The following ECM2 variants were observed in gnomAD, a reference collection of about 807,000 sequenced individuals.
The protein encoded by ECM2 is extracellular matrix protein 2, female organ and adipocyte specific.
Under a neutral mutation model 67.5 loss-of-function variants are expected in ECM2, and 57 were observed. The observed-to-expected ratio is 0.84, with a 90% confidence interval of 0.68 to 1.05. The LOEUF is 1.05. Among genes scored for constraint, ECM2 ranks in the 50% least tolerant of loss-of-function variants. ECM2 has a pLI of 0.00. For missense variants in ECM2, 741 were observed against 822.8 expected (o/e 0.90, Z 1.22); for synonymous variants, 258 against 294.5 (o/e 0.88, Z 1.27).
At chr9:92,537,620 A>G (rs1341630441), upstream of ECM2, among the ~76,000 whole-genome samples, 2 of 152,194 alleles carry the variant, frequency 1.3e-5, no homozygotes, top group South Asian at 2.1e-4. Flanking sequence ...AGATTGTGCC[A>G]TTGCACTCCA....
intron 6 of ECM2, among the ~76,000 whole-genome samples, chr9:92,506,222 C>G (rs1003470649): frequency 6.6e-6 from 1 of 152,214 alleles, no homozygotes; most frequent in Admixed American, 6.5e-5. Flanking sequence ...CACCCTCAGT[C>G]TCTGAACAAG....
rs1471550189 is a variant in ECM2 at position 92,517,736 on chromosome 9, G to C, written c.432C>G (p.Pro144=). Residue 144 remains proline (P), a synonymous_variant, in exon 3 of 10, where the codon CCC becomes CCG. Transcript: ENST00000344604. ...ATTCCCCTTCAGGTATAACTGTTTG[G>C]GGGCACCTCTGGGGATGGCACATGG... ...DETMCHPQRC[P]QTVIPEGECC... The C allele has an allele frequency of 6.2e-7, 1 of 1,614,022 alleles. No individual in the cohort carries two copies. The highest frequency in any genetic ancestry group is 2.2e-5 in the East Asian group (1 of 44,888).
rs1353496844 is a variant in ECM2, at chr9:92,496,117, C to G, written c.*198G>C. 1.7e-6 allele frequency: 2 copies of G among 1,209,716 alleles called. No homozygotes were observed. Among genetic ancestry groups the G allele is most frequent in the Non-Finnish European group, 2.1e-6 (2 of 974,698 alleles). 74.9% of individuals were successfully genotyped at this position (1,209,716 alleles called of 1,614,324 possible). A position where few individuals can be genotyped will look rare whatever the true frequency, so the allele number is the denominator to read the frequency against. On this transcript the variant is annotated 3_prime_UTR_variant, in exon 10 of 10. Coordinates refer to ENST00000344604, the MANE Select transcript of ECM2 (RefSeq NM_001393.4). Reference sequence around the variant, plus strand: ...GAGGTAGGAAACTGAGAGATTTTACCTTTACTATTAATAAAACTCCTAGAG... The same window carrying G: ...GAGGTAGGAAACTGAGAGATTTTACGTTTACTATTAATAAAACTCCTAGAG...
intron 1 of ECM2, among the ~76,000 whole-genome samples, chr9:92,531,154 ACTTT>A (rs1462991054): frequency 1.3e-5 from 2 of 152,082 alleles, no homozygotes; most frequent in Non-Finnish European, 2.9e-5. Context: ...ATTGAAATAT[ACTTT>A]CTATTTGCTT....
downstream of ECM2, chr9:92,493,953 G>T: frequency 4.2e-6 from 3 of 718,266 alleles, no homozygotes; most frequent in Non-Finnish European, 6.7e-6. Context: ...TGTTAATCCA[G>T]GCCGTTGAGG....
chr9:92,552,242 G>T, the ECM2 span, among the ~76,000 whole-genome samples: 1 of 150,192 alleles, frequency 6.7e-6, no homozygotes, highest in African/African-American at 2.5e-5. Context: ...TCCACTTGTT[G>T]ATTGATGGGC....
the ECM2 span, among the ~76,000 whole-genome samples, chr9:92,543,467 G>A: frequency 1.5e-5 from 1 of 68,006 alleles, no homozygotes; most frequent in Non-Finnish European, 2.5e-5. Flanking sequence ...GTGAAACCCT[G>A]TCTCAAAAAA....
chr9:92,494,165 G>A (rs759813548), downstream of ECM2: 9 of 1,596,046 alleles, frequency 5.6e-6, no homozygotes, highest in Non-Finnish European at 6.8e-6. Context: ...TAAAGTCAGA[G>A]TAAGAAATGA....
the ECM2 span, among the ~76,000 whole-genome samples, chr9:92,552,004 G>GTA: frequency 7.2e-6 from 1 of 138,728 alleles, no homozygotes; most frequent in Admixed American, 7.2e-5. Flanking sequence ...ATATATATGT[G>GTA]TATATATATG....
intron 9 of ECM2, among the ~76,000 whole-genome samples, 189 bp downstream of exon 9, chr9:92,500,538 A>T (rs997733354): frequency 5.9e-5 from 9 of 152,242 alleles, no homozygotes; most frequent in Admixed American, 4.6e-4. Flanking sequence ...GGAAAAGCTT[A>T]TAATGAATCC....
chr9:92,516,438 A>G (rs935383062), intron 3 of ECM2, among the ~76,000 whole-genome samples: 25 of 152,320 alleles, frequency 1.6e-4, no homozygotes, highest in African/African-American at 4.6e-4. Context: ...AACACTATAT[A>G]TAAACTACTC....
intron 1 of ECM2, among the ~76,000 whole-genome samples, chr9:92,534,139 T>G (rs1250427926): frequency 6.6e-6 from 1 of 152,214 alleles, no homozygotes; most frequent in Admixed American, 6.5e-5. Context: ...CATTTCTGTC[T>G]TCTCTTTGTC....
At chr9:92,523,246 G>A (rs935504549) in intron 1 of ECM2, among the ~76,000 whole-genome samples, 1 of 152,098 alleles carries the variant, frequency 6.6e-6, no homozygotes, top group African/African-American at 2.4e-5. Context: ...TGCCTGTTCA[G>A]AACTTTTTTG....
chr9:92,533,709 A>C (rs1848999526), intron 1 of ECM2, among the ~76,000 whole-genome samples: 1 of 152,084 alleles, frequency 6.6e-6, no homozygotes, highest in Non-Finnish European at 1.5e-5. Flanking sequence ...GAATGTTGTA[A>C]GTTGTAAAAT....
the ECM2 span, among the ~76,000 whole-genome samples, chr9:92,545,598 G>A: frequency 2.6e-5 from 4 of 152,212 alleles, no homozygotes; most frequent in African/African-American, 9.6e-5. Context: ...ACCGCGTCCA[G>A]TCCCACTGAC....
chr9:92,497,153 A>G (rs187422149), intron 9 of ECM2, among the ~76,000 whole-genome samples: 1 of 152,312 alleles, frequency 6.6e-6, no homozygotes, highest in Admixed American at 6.5e-5. Context: ...AAACAAAATG[A>G]CATTTATACA....
chr9:92,545,878 G>A, the ECM2 span, among the ~76,000 whole-genome samples: 12 of 152,182 alleles, frequency 7.9e-5, 1 homozygote, highest in Middle Eastern at 6.8e-3. Context: ...AGTGTTCTGT[G>A]TCTAGCTGAT....
At chr9:92,549,989 G>A in the ECM2 span, among the ~76,000 whole-genome samples, 16,242 of 152,138 alleles carry the variant, frequency 0.11, 944 homozygotes, top group Middle Eastern at 0.15. Flanking sequence ...CCTTGAAGTC[G>A]CAGGTAACTA....
chr9:92,536,898 T>C (rs1235528545), upstream of ECM2, among the ~76,000 whole-genome samples: 3 of 150,744 alleles, frequency 2.0e-5, 1 homozygote, highest in East Asian at 3.9e-4. Context: ...GACGGGAGTT[T>C]TTGCTCTGTT....
Sources: gnomAD v4.1 joint callset for allele counts (sites outside exome capture counted in the v4.1 genomes callset) on GRCh38, gnomAD v4.1.1 for gene constraint, MANE v1.5 for transcripts, NCBI Gene and HGNC (gene_info 2026-07-23, HGNC 2026-07-21) for gene names.